Variants in PHEX observed in about 807,000 individuals in gnomAD.
The protein encoded by PHEX is phosphate regulating endopeptidase X-linked.
In PHEX, 16 loss-of-function variants were observed where a neutral mutation model predicts 68.0. The observed-to-expected ratio is 0.24, with a 90% confidence interval of 0.16 to 0.36. The LOEUF (loss-of-function observed/expected upper bound fraction) is 0.36. Among genes scored for constraint, PHEX ranks in the 10% least tolerant of loss-of-function variants. The probability of loss-of-function intolerance (pLI) is 1.00; values close to 1 mark genes in which losing one functional copy is unlikely to be tolerated. For synonymous variants in PHEX, 208 were observed against 205.1 expected, an observed-to-expected ratio of 1.01 and a Z score of -0.12; for missense variants, 480 against 575.5, an observed-to-expected ratio of 0.83 and a Z score of 1.70.
At chrX:22,056,843 T>C (rs1928135797) in intron 3 of PHEX, among the ~76,000 whole-genome samples, 1 of 108,884 alleles carries the variant, frequency 9.2e-6, no homozygotes, top group Admixed American at 1.0e-4. Context: ...ACAATCTGCA[T>C]CTTATGAGTG....
At chrX:22,187,543 A>G (rs1271996058) in intron 14 of PHEX, among the ~76,000 whole-genome samples, 1 of 111,598 alleles carries the variant, frequency 9.0e-6, no homozygotes, top group Non-Finnish European at 1.9e-5. Context: ...TAATCTCTCT[A>G]TTTTAAGGTC....
intron 15 of PHEX, among the ~76,000 whole-genome samples, chrX:22,209,570 C>T (rs1350340783): frequency 1.8e-5 from 2 of 109,601 alleles, no homozygotes; most frequent in Non-Finnish European, 3.8e-5. Flanking sequence ...CTTGCAACAA[C>T]CTACACTCCC....
chrX:22,192,312 C>T (rs1402862706), intron 15 of PHEX, among the ~76,000 whole-genome samples: 1 of 111,631 alleles, frequency 9.0e-6, no homozygotes, highest in East Asian at 2.8e-4. Context: ...TACTATCTCC[C>T]ACCTGGATTA....
chrX:22,145,964 G>T (rs1339355336), intron 12 of PHEX, among the ~76,000 whole-genome samples: 1 of 111,905 alleles, frequency 8.9e-6, no homozygotes, highest in Non-Finnish European at 1.9e-5. Context: ...CCAACTTAGG[G>T]AATCTTATGT....
chrX:22,066,672 C>T (rs764465250), intron 3 of PHEX, among the ~76,000 whole-genome samples: 2 of 111,944 alleles, frequency 1.8e-5, no homozygotes, highest in South Asian at 3.8e-4. Flanking sequence ...CACTCACTGT[C>T]GGAAACCCAG....
At chrX:22,117,594 AATT>A (rs1323843056) in intron 11 of PHEX, among the ~76,000 whole-genome samples, 6 of 112,028 alleles carry the variant, frequency 5.4e-5, no homozygotes, top group African/African-American at 1.9e-4. Context: ...GATTTAAAAA[AATT>A]ATAGCAGGTT....
chrX:22,077,690 A>G lies in PHEX; in HGVS notation c.651A>G (p.Glu217=). ...YVSPDDKASN[E]HILKLDQATL... ...CCCCTGATGACAAAGCATCCAATGA[A>G]CATATCTTGAAGGTATAATGAGGAC... Residue 217 remains glutamate (E), a synonymous_variant, in exon 5 of 22, where the codon GAA becomes GAG. Transcript: ENST00000379374. 8.4e-7 allele frequency: 1 copy of G among 1,196,907 alleles called. No individual in the cohort carries two copies.
In PHEX at chrX:22,195,898, T is replaced by G. The variant is rs7066338; in HGVS notation, c.1645+5396T>G. The stretch of plus-strand genomic sequence containing the variant: ...TCTATCATTAAAATTTGTGTCTGGC[T>G]GGGTGTGGTGGCTCACGCTTGTAAT... On this transcript the variant is annotated intron_variant, in intron 15 of 21. Transcript: ENST00000379374. 8.5e-3 allele frequency among the ~76,000 whole-genome samples: 949 copies of G among 111,304 alleles called. 13 individuals are homozygous for G. Among genetic ancestry groups the G allele is most frequent in the African/African-American group, 0.028 (855 of 30,584 alleles).
chrX:22,170,184 G>A (rs1438661291), intron 13 of PHEX, among the ~76,000 whole-genome samples: 2 of 112,150 alleles, frequency 1.8e-5, no homozygotes, highest in African/African-American at 6.5e-5. Flanking sequence ...GGCAAGAAAA[G>A]GGAAAATAGA....
At chrX:22,188,356 C>T (rs902690373) in intron 14 of PHEX, among the ~76,000 whole-genome samples, 3 of 111,765 alleles carry the variant, frequency 2.7e-5, no homozygotes, top group African/African-American at 9.8e-5. Context: ...TTGCATGCCA[C>T]TGCTGGGCCT....
chrX:22,051,392 G>T (rs1927827342), intron 3 of PHEX, among the ~76,000 whole-genome samples: 1 of 110,997 alleles, frequency 9.0e-6, no homozygotes, highest in African/African-American at 3.3e-5. Flanking sequence ...TCAGCTGGGT[G>T]TGGTGGCAGG....
chrX:22,212,531 C>G (rs1318177543), intron 15 of PHEX, among the ~76,000 whole-genome samples: 2 of 111,772 alleles, frequency 1.8e-5, no homozygotes, highest in Non-Finnish European at 3.8e-5. Context: ...CAGGACCCTT[C>G]TCTCTGTGGG....
At chrX:22,216,021 G>T (rs1324108846) in intron 16 of PHEX, among the ~76,000 whole-genome samples, 4 of 111,532 alleles carry the variant, frequency 3.6e-5, no homozygotes, top group Non-Finnish European at 7.5e-5. Flanking sequence ...TCAGCATTAT[G>T]GAGAGCTATT....
chrX:22,141,518 C>T (rs1404916833), intron 12 of PHEX, among the ~76,000 whole-genome samples: 26 of 110,040 alleles, frequency 2.4e-4, no homozygotes, highest in African/African-American at 7.3e-4. Flanking sequence ...CTTTTTTTCC[C>T]CGCTCACAGG....
intron 2 of PHEX, 29 bp from the exon 3 acceptor site, chrX:22,047,021 A>G (rs745468525): frequency 8.6e-7 from 1 of 1,166,438 alleles, no homozygotes; most frequent in Admixed American, 2.2e-5. Context: ...AGTGCTTGTC[A>G]TTAATCCTAT....
chrX:22,123,041 G>C (rs1332842381), intron 11 of PHEX, among the ~76,000 whole-genome samples: 1 of 100,170 alleles, frequency 1.0e-5, no homozygotes, highest in African/African-American at 3.8e-5. Flanking sequence ...CCAGGCTGGA[G>C]TGCAGTGGTG....
chrX:22,082,719 C>T (rs1281220648), intron 5 of PHEX, among the ~76,000 whole-genome samples: 1 of 111,992 alleles, frequency 8.9e-6, no homozygotes, highest in Non-Finnish European at 1.9e-5. Flanking sequence ...TTAATTAAGT[C>T]CCGTTTGTCA....
chrX:22,216,766 C>T (rs1001791852), intron 16 of PHEX, among the ~76,000 whole-genome samples: 15 of 110,570 alleles, frequency 1.4e-4, no homozygotes, highest in East Asian at 2.8e-4. Context: ...GTAATCCACC[C>T]GCCTCGGCCT....
rs746918835 is a variant in PHEX, at chrX:22,245,363, G to T, written c.2101G>T (p.Ala701Ser). 11 of 1,207,170 alleles carry T rather than the reference G, an allele frequency of 9.1e-6. No individual in the cohort carries two copies. The highest frequency in any genetic ancestry group is 2.3e-4 in the Middle Eastern group (1 of 4,348). ...VRCNSYRPEAAREQVQIGAHS... is the reference protein window; with the variant it reads ...VRCNSYRPEASREQVQIGAHS... ...GTGCAATTCCTACAGACCAGAAGCT[G>T]CCCGAGAACAAGTCCAAATTGGTGC... Residue 701 changes from alanine to serine, a missense_variant, in exon 21 of 22, where the codon GCC becomes TCC. Ala to Ser is a moderately conservative substitution (Grantham distance 99). Transcript: ENST00000379374.
Sources: allele counts gnomAD v4.1 joint callset (sites outside exome capture counted in the v4.1 genomes callset), GRCh38; gene constraint gnomAD v4.1.1; transcripts MANE v1.5; gene names NCBI Gene and HGNC (gene_info 2026-07-23, HGNC 2026-07-21).